Variants in PAFAH1B1 observed in about 807,000 individuals in gnomAD.
PAFAH1B1 encodes the protein platelet-activating factor acetylhydrolase IB subunit beta.
In PAFAH1B1, 2 loss-of-function variants were observed where a neutral mutation model predicts 57.5. That is an observed-to-expected ratio of 0.03 (90% CI 0.01 to 0.11). The LOEUF (loss-of-function observed/expected upper bound fraction) is 0.11, where lower values mean the gene tolerates loss of function less well. Ranked by LOEUF, PAFAH1B1 falls within the 10% of genes least tolerant of loss-of-function variation. The pLI, the probability that PAFAH1B1 is intolerant of heterozygous loss-of-function variation, is 1.00. For synonymous variants in PAFAH1B1, 152 were observed against 169.6 expected, an observed-to-expected ratio of 0.90 and a Z score of 0.81; for missense variants, 257 against 512.0, an observed-to-expected ratio of 0.50 and a Z score of 4.81.
At chr17:2,617,128 A>G (rs1437329176) in intron 1 of PAFAH1B1, among the ~76,000 whole-genome samples, 1 of 152,192 alleles carries the variant, frequency 6.6e-6, no homozygotes, top group Non-Finnish European at 1.5e-5. Flanking sequence ...TATGACTTAT[A>G]TTGTGTTACT....
At chr17:2,679,987 A>G (rs1049603624) in intron 9 of PAFAH1B1, 177 bp from the exon 10 acceptor site, 7 of 643,578 alleles carry the variant, frequency 1.1e-5, no homozygotes, top group South Asian at 1.9e-5. Flanking sequence ...ATCGTACGTT[A>G]TATTCACTCC....
chr17:2,658,828 T>C (rs2068974281), intron 2 of PAFAH1B1, among the ~76,000 whole-genome samples: 1 of 152,198 alleles, frequency 6.6e-6, no homozygotes. Context: ...AGGATGGTAA[T>C]GGCAATCAAT....
At chr17:2,645,849 C>A (rs1220037712) in intron 2 of PAFAH1B1, among the ~76,000 whole-genome samples, 1 of 151,582 alleles carries the variant, frequency 6.6e-6, no homozygotes, top group Non-Finnish European at 1.5e-5. Context: ...CGTGATCCAC[C>A]CGCCTGGACC....
At chr17:2,641,101 G>A (rs926553678) in intron 2 of PAFAH1B1, 1 of 152,192 alleles carries the variant, frequency 6.6e-6, no homozygotes, top group African/African-American at 2.4e-5. Flanking sequence ...CTGTAAGCAA[G>A]GGACTTTCTT....
intron 1 of PAFAH1B1, among the ~76,000 whole-genome samples, chr17:2,621,605 GTCTTTTTTTTTTTTTTTTT>G (rs774480365): frequency 0.025 from 2,361 of 93,214 alleles, 143 homozygotes; most frequent in African/African-American, 0.1. Context: ...TAGATAATCT[GTCTTTTTTTTTTTTTTTTT>G]TTTTTTTTTT....
At chr17:2,622,695 G>T (rs1355731221) in intron 1 of PAFAH1B1, among the ~76,000 whole-genome samples, 1 of 152,192 alleles carries the variant, frequency 6.6e-6, no homozygotes, top group African/African-American at 2.4e-5. Flanking sequence ...CTGGGGTCTG[G>T]AAGACAGTGG....
At chr17:2,637,141 A>G (rs1274873389) in intron 1 of PAFAH1B1, among the ~76,000 whole-genome samples, 1 of 152,096 alleles carries the variant, frequency 6.6e-6, no homozygotes, top group Non-Finnish European at 1.5e-5. Flanking sequence ...TCTGTCCATG[A>G]TAGGTTTCTA....
intron 9 of PAFAH1B1, 198 bp from the exon 10 acceptor site, chr17:2,679,966 C>G (rs961438838): frequency 6.8e-6 from 4 of 591,742 alleles, no homozygotes; most frequent in South Asian, 6.1e-5. Context: ...TCATCCAGGA[C>G]CCAGTCAGGG....
chr17:2,619,653 T>G (rs2068393762), intron 1 of PAFAH1B1, among the ~76,000 whole-genome samples: 1 of 152,226 alleles, frequency 6.6e-6, no homozygotes, highest in African/African-American at 2.4e-5. Context: ...TTATAAAATT[T>G]GTTTACATTA....
At chr17:2,644,028 C>T (rs879626598) in intron 2 of PAFAH1B1, among the ~76,000 whole-genome samples, 3 of 152,130 alleles carry the variant, frequency 2.0e-5, no homozygotes, top group African/African-American at 4.8e-5. Flanking sequence ...GCCACCACAT[C>T]TGGCTAATTT....
intron 5 of PAFAH1B1, among the ~76,000 whole-genome samples, chr17:2,668,780 C>T (rs111529855): frequency 0.2 from 30,251 of 151,972 alleles, 3,256 homozygotes; most frequent in Middle Eastern, 0.26. Context: ...TCGAGACCAT[C>T]CTGGCTAACA....
At chr17:2,667,338 A>C (rs2069120119) in intron 5 of PAFAH1B1, 140 bp downstream of exon 5, 1 of 664,704 alleles carries the variant, frequency 1.5e-6, no homozygotes, top group Non-Finnish European at 2.7e-6. Context: ...TGTCTCAAAA[A>C]AAAAAAGCAG....
At chr17:2,674,316 T>G in intron 8 of PAFAH1B1, 28 bp downstream of exon 8, 4 of 1,515,636 alleles carry the variant, frequency 2.6e-6, no homozygotes. Flanking sequence ...GTCTTCATGG[T>G]TTTATTGCTG....
chr17:2,651,849 T>C (rs949370684), intron 2 of PAFAH1B1, among the ~76,000 whole-genome samples: 10 of 152,300 alleles, frequency 6.6e-5, no homozygotes, highest in Non-Finnish European at 1.5e-4. Context: ...ATTGACACAT[T>C]ATTACTGAAG....
At chr17:2,660,944 C>T (rs959583035) in intron 2 of PAFAH1B1, among the ~76,000 whole-genome samples, 2 of 152,180 alleles carry the variant, frequency 1.3e-5, no homozygotes, top group African/African-American at 4.8e-5. Context: ...AATCGCCATT[C>T]TGACTGGTGT....
At chr17:2,668,778 A>G (rs1454778952) in intron 5 of PAFAH1B1, among the ~76,000 whole-genome samples, 1 of 152,120 alleles carries the variant, frequency 6.6e-6, no homozygotes, top group South Asian at 2.1e-4. Flanking sequence ...GATCGAGACC[A>G]TCCTGGCTAA....
At chr17:2,651,434 A>T (rs1288487650) in intron 2 of PAFAH1B1, among the ~76,000 whole-genome samples, 1 of 148,846 alleles carries the variant, frequency 6.7e-6, no homozygotes, top group Admixed American at 6.7e-5. Flanking sequence ...AAAAAAAAAA[A>T]TTAGCTGGGC....
rs573059458 is a variant in PAFAH1B1 at position 2,669,478 on chromosome 17, A to G, written c.400-685A>G. On this transcript the variant is annotated intron_variant, in intron 5 of 10. Coordinates refer to ENST00000397195, the MANE Select transcript of PAFAH1B1 (RefSeq NM_000430.4). ...GGGGTTTCACCATATTAGCCAGGAT[A>G]GTCTCGAACTGACCTCGTGGTCCGC... Among the ~76,000 whole-genome samples the G allele has an allele frequency of 1.5e-3, 222 of 152,164 alleles. 1 individual carries two copies. The highest frequency in any genetic ancestry group is 5.0e-3 in the African/African-American group (209 of 41,518).
At chr17:2,648,342 C>T (rs1439171527) in intron 2 of PAFAH1B1, among the ~76,000 whole-genome samples, 2 of 151,952 alleles carry the variant, frequency 1.3e-5, no homozygotes, top group Non-Finnish European at 2.9e-5. Context: ...ACCCTATCAC[C>T]AAGTATAATT....
Sources: gnomAD v4.1 joint callset for allele counts (sites outside exome capture counted in the v4.1 genomes callset) on GRCh38, gnomAD v4.1.1 for gene constraint, MANE v1.5 for transcripts, NCBI Gene and HGNC (gene_info 2026-07-23, HGNC 2026-07-21) for gene names.